The following POLR2E variants were observed in gnomAD, a reference collection of about 807,000 sequenced individuals.
POLR2E encodes the protein RNA polymerase II, I and III subunit E, also known as DNA-directed RNA polymerases I, II, and III subunit RPABC1.
In POLR2E, 35 loss-of-function variants were observed where a neutral mutation model predicts 29.8. The ratio of observed to expected loss-of-function variants is 1.17; its 90% CI spans 0.90 to 1.55. The LOEUF is 1.55. Among genes scored for constraint, POLR2E ranks in the 40% most tolerant of loss-of-function variants. The pLI is 0.00. For missense variants in POLR2E, 287 were observed against 288.6 expected (o/e 0.99, Z 0.04); for synonymous variants, 174 against 112.6 (o/e 1.55, Z -3.45).
Position 1,091,905 on chromosome 19 carries a change from C to T in POLR2E, c.235G>A (p.Glu79Lys). ...ATGGTCTTGATGCCCACCTTGGGCT[C>T]CTCTGCAGACAGAGAGTGTGCTGGC... is the stretch of plus-strand genomic sequence containing the variant. ...TDQMFVFFPE[E>K]PKVGIKTIKV... The change falls in exon 3 of 8, where the codon GAG (glutamate) becomes AAG (lysine). Residue 79 changes from glutamate to lysine, a missense_variant and splice_region_variant. Coordinates refer to ENST00000615234, the MANE Select transcript of POLR2E (RefSeq NM_002695.5). 6.2e-7 allele frequency: 1 copy of T among 1,604,002 alleles called. No homozygotes were observed. Among genetic ancestry groups the T allele is most frequent in the Non-Finnish European group, 8.5e-7 (1 of 1,172,000 alleles).
rs2043816473 is a variant in POLR2E at position 1,090,997 on chromosome 19, G to A, written c.349-9C>T. 1.9e-6 allele frequency: 3 copies of A among 1,613,306 alleles called. No homozygotes were observed. The highest frequency in any genetic ancestry group is 2.2e-5 in the East Asian group (1 of 44,884). ...GCCATGTCGACCAGGGACTGGAAGA[G>A]AGCGGCTCTAAGGCACGGCCCGGAG... On this transcript the variant is annotated splice_polypyrimidine_tract_variant and intron_variant, in intron 3 of 7. Transcript: ENST00000615234.
intron 2 of POLR2E, among the ~76,000 whole-genome samples, chr19:1,093,101 G>A (rs1395319798): frequency 2.0e-5 from 3 of 151,296 alleles, no homozygotes; most frequent in South Asian, 2.1e-4. Flanking sequence ...CAGGAGAATC[G>A]CTTGAACTCA....
At position 1,091,149 on chromosome 19, in the gene POLR2E, G is replaced by GC. The variant is rs914689898; in HGVS notation, c.349-162dup. On this transcript the variant is annotated intron_variant, in intron 3 of 7. Transcript: ENST00000615234. The stretch of plus-strand genomic sequence containing the variant: ...CCAGCCCAGGAGCCTTCAACAGCCC[G>GC]CCCCTCCCCAGCCTCTCTGCTCATC... 1.1e-4 allele frequency among the ~76,000 whole-genome samples: 16 copies of GC among 152,320 alleles called. No homozygotes were observed. The East Asian group carries it at 2.7e-3, about 26-fold the overall frequency.
At position 1,087,615 on chromosome 19, in the gene POLR2E, G is replaced by A. The variant is rs1229269835; in HGVS notation, c.*1120C>T. ...TCTGACGACTCTAGTGACCTCCTAG[G>A]AGTGACATCAGTGTTTGTCCCTTTG... On this transcript the variant is annotated 3_prime_UTR_variant, in exon 8 of 8. Transcript: ENST00000615234. 1 of 152,216 alleles carries A rather than the reference G, an allele frequency of 6.6e-6. No individual in the cohort carries two copies. The highest frequency in any genetic ancestry group is 1.9e-4 in the East Asian group (1 of 5,214). 9.4% of individuals were successfully genotyped at this position (152,216 alleles called of 1,614,324 possible).
rs188453978 is a variant in POLR2E, at chr19:1,093,011, C to T, written c.232+893G>A. On this transcript the variant is annotated intron_variant, in intron 2 of 7. Transcript: ENST00000615234. ...AAGCAGTCTAGCCAACATGGTGAAA[C>T]CTCATCTCTACTAAAATGCAAAGAA... Among the ~76,000 whole-genome samples, 55 of 151,752 alleles carry T rather than the reference C, an allele frequency of 3.6e-4. No homozygotes were observed. The East Asian group carries it at 0.01, about 28-fold the overall frequency.
intron 4 of POLR2E, 70 bp downstream of exon 4, chr19:1,090,838 T>C (rs2043813210): frequency 8.8e-6 from 12 of 1,370,520 alleles, no homozygotes; most frequent in Non-Finnish European, 1.2e-5. Context: ...ATCCCACATC[T>C]TCCTGGCCAC....
intron 4 of POLR2E, among the ~76,000 whole-genome samples, chr19:1,090,527 A>G (rs1336471764): frequency 2.2e-5 from 3 of 134,264 alleles, no homozygotes; most frequent in Non-Finnish European, 4.6e-5. Flanking sequence ...GTGCAGTGGC[A>G]CAATCTCGGC....
intron 5 of POLR2E, 39 bp downstream of exon 5, chr19:1,090,048 G>T (rs759204852): frequency 2.0e-6 from 3 of 1,511,544 alleles, no homozygotes; most frequent in Middle Eastern, 1.8e-4. Flanking sequence ...AGTCTCGAGG[G>T]ACAGGGAGGG....
At chr19:1,089,656 G>A (rs546866585) in intron 6 of POLR2E, 105 bp from the exon 7 acceptor site, 47 of 996,360 alleles carry the variant, frequency 4.7e-5, no homozygotes, top group African/African-American at 7.9e-5. Flanking sequence ...GCAGGGGTCC[G>A]AGATGGCTGA....
intron 5 of POLR2E, 31 bp from the exon 6 acceptor site, chr19:1,089,993 A>T: frequency 8.0e-7 from 1 of 1,246,404 alleles, no homozygotes; most frequent in Non-Finnish European, 1.1e-6. Context: ...AATGCCAGAC[A>T]GGGCCGTTGG....
chr19:1,089,479 G>A lies in POLR2E; in HGVS notation c.*7C>T, dbSNP rs1448773779. 1.9e-6 allele frequency: 3 copies of A among 1,611,154 alleles called. No individual in the cohort carries two copies. The highest frequency in any genetic ancestry group is 2.5e-6 in the Non-Finnish European group (3 of 1,177,786). On this transcript the variant is annotated 3_prime_UTR_variant, in exon 7 of 8. Coordinates refer to ENST00000615234, the MANE Select transcript of POLR2E (RefSeq NM_002695.5). ...GTCCCTCGGCCGTCTCACCTGTCAG[G>A]CGGTAGCTACTGCACCAGCCGGTAG...
In POLR2E at chr19:1,091,985, G is replaced by A. The variant is rs1000748926; in HGVS notation, c.233-78C>T. 12 of 991,516 alleles carry A rather than the reference G, an allele frequency of 1.2e-5. No homozygotes were observed. The South Asian group carries it at 1.5e-4, about 13-fold the overall frequency. The allele number at this position is 991,516 out of a possible 1,614,324, so 61.4% of individuals were successfully genotyped here. ...GCCCACCCAGAGCCCAGAGCACCCA[G>A]GTTCCAGCCCCATTCCACACAGGTG... On this transcript the variant is annotated intron_variant, in intron 2 of 7. Coordinates refer to ENST00000615234, the MANE Select transcript of POLR2E (RefSeq NM_002695.5).
chr19:1,090,074 C>T lies in POLR2E; in HGVS notation c.488+13G>A. 1 of 1,611,124 alleles carries T rather than the reference C, an allele frequency of 6.2e-7. No homozygotes were observed. Among genetic ancestry groups the T allele is most frequent in the Non-Finnish European group, 8.5e-7 (1 of 1,179,116 alleles). On this transcript the variant is annotated intron_variant, in intron 5 of 7. Coordinates refer to ENST00000615234, the MANE Select transcript of POLR2E (RefSeq NM_002695.5). ...ACAGGGAGGGGCGGGGCCGGTGGGG[C>T]TGGAAAGGATACTATCGGGCCAGCA...
intron 2 of POLR2E, 46 bp downstream of exon 2, chr19:1,093,858 G>T: frequency 2.0e-6 from 3 of 1,517,832 alleles, no homozygotes; most frequent in Non-Finnish European, 2.6e-6. Context: ...TCCTCGGCAG[G>T]TGCTCTGGTG....
At chr19:1,092,666 C>A (rs1003304220) in intron 2 of POLR2E, among the ~76,000 whole-genome samples, 1 of 151,180 alleles carries the variant, frequency 6.6e-6, no homozygotes, top group African/African-American at 2.4e-5. Context: ...CCAGCCTGGG[C>A]AACAGAGCAA....
rs1166649435 is a variant in POLR2E, at chr19:1,087,992, G to A, written c.*743C>T. ...ACTCCACACCCTCACGGGAAGGGAA[G>A]AGACAGACACGCTCACGCCTTACCC... On this transcript the variant is annotated 3_prime_UTR_variant, in exon 8 of 8. Transcript: ENST00000615234. 1 of 152,426 alleles carries A rather than the reference G, an allele frequency of 6.6e-6. No homozygotes were observed. Among genetic ancestry groups the A allele is most frequent in the East Asian group, 1.9e-4 (1 of 5,284 alleles). The allele number at this position is 152,426 out of a possible 1,614,324, so 9.4% of individuals were successfully genotyped here.
At chr19:1,091,948 C>T in intron 2 of POLR2E, 41 bp from the exon 3 acceptor site, 1 of 1,404,884 alleles carries the variant, frequency 7.1e-7, no homozygotes, top group Non-Finnish European at 1.0e-6. Flanking sequence ...AGCCTGGGCC[C>T]TCGTGGCCCT....
rs556292914 is a variant in POLR2E at position 1,088,612 on chromosome 19, G to A, written c.*123C>T. On this transcript the variant is annotated 3_prime_UTR_variant, in exon 8 of 8. Transcript: ENST00000615234. ...AACGTGGGTGGAGGCCACCTGCCTT[G>A]GGGAGTCCAGAGGAGCAGCAGCCGT... 1.3e-5 allele frequency: 2 copies of A among 152,558 alleles called. No homozygotes were observed. The highest frequency in any genetic ancestry group is 2.4e-5 in the African/African-American group (1 of 41,466). The allele number at this position is 152,558 out of a possible 1,614,324, so 9.5% of individuals were successfully genotyped here.
At chr19:1,094,904 C>T (rs2043908666) in intron 1 of POLR2E, 1 of 339,360 alleles carries the variant, frequency 2.9e-6, no homozygotes, top group East Asian at 5.5e-5. Context: ...GGGTTCAGGA[C>T]GCAAGGACAA....
Sources: gnomAD v4.1 joint callset for allele counts (sites outside exome capture counted in the v4.1 genomes callset) on GRCh38, gnomAD v4.1.1 for gene constraint, MANE v1.5 for transcripts, NCBI Gene and HGNC (gene_info 2026-07-23, HGNC 2026-07-21) for gene names.